The following SACM1L variants were observed in gnomAD, a reference collection of about 807,000 sequenced individuals.
SACM1L encodes SAC1 like phosphatidylinositide phosphatase, also known as phosphatidylinositol-3-phosphatase SAC1.
Under a neutral mutation model 89.5 loss-of-function variants are expected in SACM1L, and 32 were observed. The ratio of observed to expected loss-of-function variants is 0.36; its 90% CI spans 0.27 to 0.48. The LOEUF (loss-of-function observed/expected upper bound fraction) is 0.48, where lower values mean the gene tolerates loss of function less well. Ranked by LOEUF, SACM1L falls within the 20% of genes least tolerant of loss-of-function variation. SACM1L has a pLI of 0.99. For synonymous variants in SACM1L, 213 were observed against 232.8 expected, an observed-to-expected ratio of 0.92 and a Z score of 0.77; for missense variants, 543 against 708.5, an observed-to-expected ratio of 0.77 and a Z score of 2.65.
At chr3:45,706,641 T>C (rs1698402586) in intron 3 of SACM1L, 139 bp from the exon 4 acceptor site, 3 of 542,640 alleles carry the variant, frequency 5.5e-6, no homozygotes, top group Middle Eastern at 5.3e-4. Flanking sequence ...GTAAGGTTGC[T>C]TTAAAAATGG....
intron 11 of SACM1L, 145 bp downstream of exon 11, chr3:45,723,688 A>C (rs992208899): frequency 3.0e-6 from 1 of 331,570 alleles, no homozygotes; most frequent in Non-Finnish European, 5.7e-6. Context: ...GTTCATTTCC[A>C]CAACATTTCA....
intron 13 of SACM1L, among the ~76,000 whole-genome samples, chr3:45,732,739 A>G (rs1368975794): frequency 6.6e-6 from 1 of 152,190 alleles, no homozygotes; most frequent in Non-Finnish European, 1.5e-5. Context: ...GCAGTACTAT[A>G]TTATCATATT....
chr3:45,701,421 A>G (rs1698263765), intron 1 of SACM1L, among the ~76,000 whole-genome samples: 1 of 152,164 alleles, frequency 6.6e-6, no homozygotes, highest in African/African-American at 2.4e-5. Flanking sequence ...AATGCTTAGT[A>G]TGCGGTAGCC....
chr3:45,717,390 G>A (rs371393703), intron 7 of SACM1L, among the ~76,000 whole-genome samples: 1 of 152,176 alleles, frequency 6.6e-6, no homozygotes, highest in Non-Finnish European at 1.5e-5. Context: ...AGCAAGCTGC[G>A]TGTTTCTAAG....
At chr3:45,743,093 T>TA (rs5848766) in intron 19 of SACM1L, 95,417 of 151,864 alleles carry the variant, frequency 0.63, 30,382 homozygotes, top group Non-Finnish European at 0.66. Context: ...AATATTCTAT[T>TA]AATTTTTTGT....
At chr3:45,719,424 A>G in intron 7 of SACM1L, 76 bp from the exon 8 acceptor site, 5 of 778,888 alleles carry the variant, frequency 6.4e-6, no homozygotes, top group Non-Finnish European at 1.0e-5. Flanking sequence ...CATCATTAGG[A>G]TAGATAGATG....
chr3:45,733,125 C>T (rs1010911934), intron 13 of SACM1L, among the ~76,000 whole-genome samples: 2 of 152,200 alleles, frequency 1.3e-5, no homozygotes, highest in Non-Finnish European at 2.9e-5. Flanking sequence ...CACCCATTAA[C>T]TGCTGCCGTA....
At chr3:45,705,821 A>G (rs941816300) in intron 3 of SACM1L, among the ~76,000 whole-genome samples, 5 of 152,182 alleles carry the variant, frequency 3.3e-5, no homozygotes, top group Admixed American at 1.3e-4. Flanking sequence ...AAAATTTTCA[A>G]TGCATCAGTG....
intron 13 of SACM1L, among the ~76,000 whole-genome samples, chr3:45,733,208 G>C (rs1699118962): frequency 6.6e-6 from 1 of 152,208 alleles, no homozygotes; most frequent in South Asian, 2.1e-4. Flanking sequence ...TCCACAGGGA[G>C]AGCAGAGCTT....
intron 11 of SACM1L, among the ~76,000 whole-genome samples, chr3:45,728,911 C>T (rs1052071603): frequency 2.6e-5 from 4 of 151,922 alleles, no homozygotes; most frequent in Non-Finnish European, 4.4e-5. Context: ...TGGCCTCAAG[C>T]CATCCTCTTG....
chr3:45,719,102 C>T lies in SACM1L; in HGVS notation c.578-398C>T, dbSNP rs867629614. Among the ~76,000 whole-genome samples, 8 of 152,144 alleles carry T rather than the reference C, an allele frequency of 5.3e-5. 1 individual carries two copies. The Middle Eastern group carries it at 0.01, about 194-fold the overall frequency. On this transcript the variant is annotated intron_variant, in intron 7 of 19. Transcript: ENST00000389061. ...ATTTCATTTTTTTTCCCCTTAGCTG[C>T]AGTAGCCTAGCCTTCCCTCCCCATT... is the stretch of plus-strand genomic sequence containing the variant.
rs1372502403 is a variant in SACM1L at position 45,713,172 on chromosome 3, A to C, written c.519A>C (p.Leu173=). 5 of 1,612,644 alleles carry C rather than the reference A, an allele frequency of 3.1e-6. No individual in the cohort carries two copies. The African/African-American group carries it at 6.7e-5, about 22-fold the overall frequency. Residue 173 remains leucine, a synonymous_variant, in exon 6 of 20, where the codon CTA becomes CTC. Transcript: ENST00000389061. ...GGTTTGTATGGAATGGTCATCTTCTAAGAGAACTTTCTGCACAGCCAGAGG... is the reference window on the plus strand; with the variant it reads ...GGTTTGTATGGAATGGTCATCTTCTCAGAGAACTTTCTGCACAGCCAGAGG... ...DQRFVWNGHL[L]RELSAQPEVH...
At chr3:45,730,884 G>A (rs1699037478) in intron 11 of SACM1L, among the ~76,000 whole-genome samples, 1 of 152,128 alleles carries the variant, frequency 6.6e-6, no homozygotes, top group Non-Finnish European at 1.5e-5. Context: ...AGAGATACGT[G>A]GGACAGAGAT....
At chr3:45,719,413 C>T in intron 7 of SACM1L, 87 bp from the exon 8 acceptor site, 2 of 674,830 alleles carry the variant, frequency 3.0e-6, no homozygotes, top group Non-Finnish European at 4.8e-6. Flanking sequence ...CTCTTAAAGA[C>T]CATCATTAGG....
At chr3:45,713,238 A>C (rs1454323388) in intron 6 of SACM1L, 42 bp downstream of exon 6, 3 of 1,487,192 alleles carry the variant, frequency 2.0e-6, no homozygotes. Flanking sequence ...GTTACAGTCC[A>C]AGCTTTAATT....
At chr3:45,715,349 A>G (rs986843265) in intron 7 of SACM1L, among the ~76,000 whole-genome samples, 1 of 152,246 alleles carries the variant, frequency 6.6e-6, no homozygotes, top group Admixed American at 6.5e-5. Context: ...AAGAAAACCC[A>G]AAAAGTAATG....
chr3:45,743,766 T>C lies in SACM1L; in HGVS notation c.*97T>C. On this transcript the variant is annotated 3_prime_UTR_variant, in exon 20 of 20. Transcript: ENST00000389061. Reference sequence around the variant, plus strand: ...TTTCCACATCAGCCCAAGGTCTTTTTAATGCCTTTATCCAAAAGCACATCT... The same window carrying C: ...TTTCCACATCAGCCCAAGGTCTTTTCAATGCCTTTATCCAAAAGCACATCT... 1 of 1,312,668 alleles carries C rather than the reference T, an allele frequency of 7.6e-7. No homozygotes were observed. Among genetic ancestry groups the C allele is most frequent in the Non-Finnish European group, 1.0e-6 (1 of 961,118 alleles). 81.3% of individuals were successfully genotyped at this position (1,312,668 alleles called of 1,614,324 possible).
At chr3:45,739,967 C>A in intron 19 of SACM1L, 1 of 357,700 alleles carries the variant, frequency 2.8e-6, no homozygotes, top group African/African-American at 2.1e-5. Context: ...AAAAGAGACA[C>A]AAGATACAGT....
chr3:45,710,129 T>G (rs2125690131), intron 5 of SACM1L, among the ~76,000 whole-genome samples: 1 of 152,326 alleles, frequency 6.6e-6, no homozygotes, highest in Non-Finnish European at 1.5e-5. Flanking sequence ...TTATTTATAA[T>G]TTTTATAACT....
Sources: gnomAD v4.1 joint callset for allele counts (sites outside exome capture counted in the v4.1 genomes callset) on GRCh38, gnomAD v4.1.1 for gene constraint, MANE v1.5 for transcripts, NCBI Gene and HGNC (gene_info 2026-07-23, HGNC 2026-07-21) for gene names.